Variants in KTN1 observed in about 807,000 individuals in gnomAD.
The protein encoded by KTN1 is kinectin.
Under a neutral mutation model 222.5 loss-of-function variants are expected in KTN1, and 130 were observed. The observed-to-expected ratio is 0.58, with a 90% CI of 0.51 to 0.68. The LOEUF (loss-of-function observed/expected upper bound fraction) is 0.68. Among genes scored for constraint, KTN1 ranks in the 30% least tolerant of loss-of-function variants. The probability of loss-of-function intolerance (pLI) is 0.00; values close to 1 mark genes in which losing one functional copy is unlikely to be tolerated. For synonymous variants in KTN1, 512 were observed against 496.3 expected (o/e 1.03, Z -0.42); for missense variants, 1,508 against 1,500.4 (o/e 1.01, Z -0.08).
Position 55,612,114 on chromosome 14 carries a change from C to A in KTN1, c.66C>A (p.Phe22Leu). The A allele has an allele frequency of 1.3e-6, 2 of 1,552,952 alleles. No individual in the cohort carries two copies. The highest frequency in any genetic ancestry group is 1.7e-6 in the Non-Finnish European group (2 of 1,157,024). Residue 22 changes from phenylalanine to leucine, a missense_variant, in exon 2 of 44, where the codon TTC becomes TTA. Physicochemically the swap from Phe to Leu is conservative, Grantham distance 22. Coordinates refer to ENST00000395314, the MANE Select transcript of KTN1 (RefSeq NM_001079521.2). ...LIPSIVITVI[F>L]LFFWLFMKET... is the part of the protein sequence containing the mutation. ...CTTCAATAGTTATTACAGTAATTTT[C>A]CTCTTCTTCTGGCTTTTCATGAAAG...
At chr14:55,598,451 A>AAT (rs2035431223) in intron 1 of KTN1, among the ~76,000 whole-genome samples, 1 of 151,804 alleles carries the variant, frequency 6.6e-6, no homozygotes, top group Non-Finnish European at 1.5e-5. Context: ...AAAAAAAAAA[A>AAT]GAATATTGGT....
At chr14:55,678,285 A>T in intron 41 of KTN1, 67 bp from the exon 42 acceptor site, 3 of 951,264 alleles carry the variant, frequency 3.2e-6, no homozygotes, top group Non-Finnish European at 5.0e-6. Context: ...AAATGAATAA[A>T]ATTATTCATT....
intron 5 of KTN1, among the ~76,000 whole-genome samples, chr14:55,624,451 C>T (rs951633945): frequency 1.3e-5 from 2 of 152,100 alleles, no homozygotes; most frequent in African/African-American, 4.8e-5. Flanking sequence ...TTTGTGAACA[C>T]TTTGTAGAGA....
intron 30 of KTN1, among the ~76,000 whole-genome samples, chr14:55,659,176 G>A (rs1297876136): frequency 1.3e-5 from 2 of 152,138 alleles, no homozygotes; most frequent in Non-Finnish European, 2.9e-5. Context: ...CAAACAAGAA[G>A]CTTGAGAGAT....
chr14:55,648,533 T>G (rs1269999976), intron 20 of KTN1, among the ~76,000 whole-genome samples: 1 of 152,230 alleles, frequency 6.6e-6, no homozygotes, highest in African/African-American at 2.4e-5. Flanking sequence ...GTAGCTTAAC[T>G]AACAAGTTGT....
chr14:55,634,015 C>T (rs1286676348), intron 8 of KTN1, among the ~76,000 whole-genome samples: 1 of 152,086 alleles, frequency 6.6e-6, no homozygotes, highest in Admixed American at 6.5e-5. Context: ...TGGCACACAC[C>T]TGTAATCTCA....
In KTN1 at chr14:55,671,808, G is replaced by A; in HGVS notation, c.3462G>A (p.Gln1154=). ...AGGAAGGAATTTTACAGAAGCTACA[G>A]AGAAGTGTTGAGCAAGAAGAAAATA... ...AETEGILQKL[Q]RSVEQEENKW... Residue 1154 remains glutamine, a synonymous_variant, in exon 37 of 44, where the codon CAG becomes CAA. Coordinates refer to ENST00000395314, the MANE Select transcript of KTN1 (RefSeq NM_001079521.2). 6.2e-7 allele frequency: 1 copy of A among 1,610,840 alleles called. No individual in the cohort carries two copies. Among genetic ancestry groups the A allele is most frequent in the South Asian group, 1.1e-5 (1 of 90,988 alleles).
chr14:55,612,266 A>G lies in KTN1; in HGVS notation c.218A>G (p.His73Arg), dbSNP rs757619144. ...AAAGAAATCCAGAATGGAAACCTCCATGAATCCGACTCTGAGAGTGTACCT... is the reference window on the plus strand; with the variant it reads ...AAAGAAATCCAGAATGGAAACCTCCGTGAATCCGACTCTGAGAGTGTACCT... ...KKKEIQNGNL[H>R]ESDSESVPRD... Residue 73 changes from histidine to arginine, a missense_variant, in exon 2 of 44, where the codon CAT becomes CGT. His to Arg is a conservative substitution (Grantham distance 29). Coordinates refer to ENST00000395314, the MANE Select transcript of KTN1 (RefSeq NM_001079521.2). 4 of 1,598,720 alleles carry G rather than the reference A, an allele frequency of 2.5e-6. No individual in the cohort carries two copies. The South Asian group carries it at 4.6e-5, about 18-fold the overall frequency.
chr14:55,601,067 T>A (rs764190916), intron 1 of KTN1, among the ~76,000 whole-genome samples: 2 of 152,210 alleles, frequency 1.3e-5, no homozygotes, highest in African/African-American at 2.4e-5. Flanking sequence ...TTCAAATGGA[T>A]TGATCTATTC....
At chr14:55,600,251 C>A (rs76267907) in intron 1 of KTN1, among the ~76,000 whole-genome samples, 11,676 of 151,554 alleles carry the variant, frequency 0.077, 500 homozygotes, top group South Asian at 0.12. Context: ...ATTAATTAAC[C>A]CATTATGTTC....
At position 55,584,640 on chromosome 14, in the gene KTN1, C is replaced by G. The variant is rs187262816; in HGVS notation, c.-31+4286C>G. On this transcript the variant is annotated intron_variant, in intron 1 of 43. Transcript: ENST00000395314. ...TGATTCTTGTACCTTGCTCCGTTTT[C>G]TTTATAGCATTTGTCACCTTCTGTC... Among the ~76,000 whole-genome samples the G allele has an allele frequency of 3.3e-5, 5 of 152,294 alleles. No homozygotes were observed. The East Asian group carries it at 9.6e-4, about 29-fold the overall frequency.
intron 18 of KTN1, among the ~76,000 whole-genome samples, chr14:55,645,290 C>T (rs542856033): frequency 1.1e-4 from 16 of 152,140 alleles, no homozygotes; most frequent in Non-Finnish European, 1.8e-4. Flanking sequence ...TGCAGAAGTA[C>T]AAAATACAGG....
At chr14:55,597,893 T>A (rs1479001950) in intron 1 of KTN1, among the ~76,000 whole-genome samples, 1 of 151,938 alleles carries the variant, frequency 6.6e-6, no homozygotes, top group Non-Finnish European at 1.5e-5. Context: ...AATGTAGAAA[T>A]TAAAATGTAG....
chr14:55,612,015 T>C lies in KTN1; in HGVS notation c.-30-4T>C. The C allele has an allele frequency of 8.0e-7, 1 of 1,248,790 alleles. No individual in the cohort carries two copies. The highest frequency in any genetic ancestry group is 1.1e-6 in the Non-Finnish European group (1 of 946,912). The allele number at this position is 1,248,790 out of a possible 1,614,324, so 77.4% of individuals were successfully genotyped here. A position where few individuals can be genotyped will look rare whatever the true frequency, so the allele number is the denominator to read the frequency against. ...TTTTTGTCCCCACCTTCTTCCCTATTTAGGTTTTATAGGATCACATTGACA... is the reference window on the plus strand; with the variant it reads ...TTTTTGTCCCCACCTTCTTCCCTATCTAGGTTTTATAGGATCACATTGACA... On this transcript the variant is annotated splice_polypyrimidine_tract_variant and splice_region_variant and intron_variant, in intron 1 of 43. Transcript: ENST00000395314.
In KTN1 at chr14:55,634,478, T is replaced by C. The variant is rs1169023093; in HGVS notation, c.1329-48T>C. 17 of 1,512,820 alleles carry C rather than the reference T, an allele frequency of 1.1e-5. No individual in the cohort carries two copies. The East Asian group carries it at 2.8e-4, about 25-fold the overall frequency. The allele number at this position is 1,512,820 out of a possible 1,614,324, so 93.7% of individuals were successfully genotyped here. A position where few individuals can be genotyped will look rare whatever the true frequency, so the allele number is the denominator to read the frequency against. On this transcript the variant is annotated intron_variant, in intron 8 of 43. Transcript: ENST00000395314. ...CAAAGTATGTTTTGTTTATTTCTTA[T>C]ATATATTTGTAATAACGGAAGGCTC...
intron 4 of KTN1, among the ~76,000 whole-genome samples, chr14:55,618,554 A>T (rs1033123685): frequency 2.0e-5 from 3 of 152,188 alleles, no homozygotes; most frequent in Non-Finnish European, 4.4e-5. Context: ...ATTTAGCTGA[A>T]GTATTAAAAG....
chr14:55,670,427 T>G (rs908263282), intron 34 of KTN1, among the ~76,000 whole-genome samples: 1 of 152,048 alleles, frequency 6.6e-6, no homozygotes, highest in Non-Finnish European at 1.5e-5. Context: ...GAGGCCAGAT[T>G]TGAACCCAGG....
chr14:55,650,525 C>T (rs1417802971), intron 23 of KTN1, 44 bp from the exon 24 acceptor site: 1 of 1,542,746 alleles, frequency 6.5e-7, no homozygotes, highest in Admixed American at 1.7e-5. Flanking sequence ...ATGTCAATTT[C>T]TGTGTTTCCA....
chr14:55,629,803 A>G (rs2040309729), intron 6 of KTN1, among the ~76,000 whole-genome samples, 154 bp from the exon 7 acceptor site: 1 of 152,202 alleles, frequency 6.6e-6, no homozygotes, highest in Non-Finnish European at 1.5e-5. Context: ...CTGTTTTTAA[A>G]ATCTTTTGAC....
Sources: allele counts gnomAD v4.1 joint callset (sites outside exome capture counted in the v4.1 genomes callset), GRCh38; gene constraint gnomAD v4.1.1; transcripts MANE v1.5; gene names NCBI Gene and HGNC (gene_info 2026-07-23, HGNC 2026-07-21).